The following HUS1 variants were observed in gnomAD, a reference collection of about 807,000 sequenced individuals.
HUS1 encodes the protein HUS1 checkpoint clamp component.
In HUS1, 31 loss-of-function variants were observed where a neutral mutation model predicts 32.6. That is an observed-to-expected ratio of 0.95 (90% confidence interval 0.72 to 1.28). HUS1 has a LOEUF of 1.28. Among genes scored for constraint, HUS1 ranks in the 50% most tolerant of loss-of-function variants. The probability of loss-of-function intolerance (pLI) is 0.00; values close to 1 mark genes in which losing one functional copy is unlikely to be tolerated. For missense variants in HUS1, 340 were observed against 337.7 expected (o/e 1.01, Z -0.05); for synonymous variants, 123 against 116.6 (o/e 1.06, Z -0.36).
Position 47,965,187 on chromosome 7 carries a change from A to G in HUS1, c.*169T>C. ...GCAACATGAAGTGATATGTTTATCCAACTGTGTGTTGTTGAATCAACTTTT... is the reference window on the plus strand; with the variant it reads ...GCAACATGAAGTGATATGTTTATCCGACTGTGTGTTGTTGAATCAACTTTT... On this transcript the variant is annotated 3_prime_UTR_variant, in exon 8 of 8. Coordinates refer to ENST00000258774, the MANE Select transcript of HUS1 (RefSeq NM_004507.4). 1.9e-6 allele frequency: 1 copy of G among 528,962 alleles called. No individual in the cohort carries two copies. Among genetic ancestry groups the G allele is most frequent in the Non-Finnish European group, 3.4e-6 (1 of 292,270 alleles). The allele number at this position is 528,962 out of a possible 1,614,324, so 32.8% of individuals were successfully genotyped here.
chr7:47,971,387 A>G (rs1583718336), intron 5 of HUS1: 2 of 441,632 alleles, frequency 4.5e-6, no homozygotes, highest in East Asian at 1.4e-4. Context: ...CTCATATACC[A>G]TCGGGCACCC....
chr7:47,965,224 T>C lies in HUS1; in HGVS notation c.*132A>G. ...TTGAATCAACTTTTAGTTAAAATGT[T>C]AGAGAGGGACAAATAAGTACAGTGT... On this transcript the variant is annotated 3_prime_UTR_variant, in exon 8 of 8. Transcript: ENST00000258774. The C allele has an allele frequency of 1.6e-6, 1 of 608,466 alleles. No homozygotes were observed. 37.7% of individuals were successfully genotyped at this position (608,466 alleles called of 1,614,324 possible).
intron 7 of HUS1, among the ~76,000 whole-genome samples, chr7:47,967,375 T>G (rs1266675541): frequency 6.6e-6 from 1 of 152,182 alleles, no homozygotes; most frequent in South Asian, 2.1e-4. Flanking sequence ...CAGGCCAGCA[T>G]AGCCACAGAA....
At position 47,963,531 on chromosome 7, in the gene HUS1, T is replaced by A. The variant is rs1401341463; in HGVS notation, c.*1825A>T. 6.6e-6 allele frequency: 1 copy of A among 152,234 alleles called. No homozygotes were observed. The highest frequency in any genetic ancestry group is 1.5e-5 in the Non-Finnish European group (1 of 68,038). The allele number at this position is 152,234 out of a possible 1,614,324, so 9.4% of individuals were successfully genotyped here. A position where few individuals can be genotyped will look rare whatever the true frequency, so the allele number is the denominator to read the frequency against. On this transcript the variant is annotated 3_prime_UTR_variant, in exon 8 of 8. Coordinates refer to ENST00000258774, the MANE Select transcript of HUS1 (RefSeq NM_004507.4). ...GCAGCTGGAATTAATTTCGTTACAA[T>A]GAGAGGAGGAAGGGTTTAAAAATTA...
chr7:47,976,678 A>T, intron 4 of HUS1, 52 bp downstream of exon 4: 1 of 978,532 alleles, frequency 1.0e-6, no homozygotes, highest in Non-Finnish European at 1.6e-6. Context: ...TAGAGAATTC[A>T]AGTCATGCCA....
At position 47,979,551 on chromosome 7, in the gene HUS1, T is replaced by A. The variant is rs759665420; in HGVS notation, c.-32A>T. The stretch of plus-strand genomic sequence containing the variant: ...GGATGGCGCAGCCGCGGCGGGCCTC[T>A]GTGGGTAACAGAAAAGCGTCGCGCC... On this transcript the variant is annotated 5_prime_UTR_variant, in exon 1 of 8. Transcript: ENST00000258774. The A allele has an allele frequency of 2.5e-6, 4 of 1,573,924 alleles. No homozygotes were observed. The Admixed American group carries it at 5.0e-5, about 20-fold the overall frequency.
intron 3 of HUS1, among the ~76,000 whole-genome samples, chr7:47,977,875 T>C (rs1052132773): frequency 1.5e-4 from 23 of 152,134 alleles, no homozygotes; most frequent in Middle Eastern, 3.4e-3. Flanking sequence ...GCCTGGGTGA[T>C]AGAGAGACTC....
intron 5 of HUS1, among the ~76,000 whole-genome samples, chr7:47,974,493 T>TG (rs2128766024): frequency 6.6e-6 from 1 of 152,132 alleles, no homozygotes; most frequent in African/African-American, 2.4e-5. Flanking sequence ...GAAGAGGCAT[T>TG]GTGGGGGAAT....
intron 4 of HUS1, among the ~76,000 whole-genome samples, chr7:47,975,967 T>C (rs1252820176): frequency 6.6e-6 from 1 of 152,124 alleles, no homozygotes; most frequent in Non-Finnish European, 1.5e-5. Context: ...CAAGAAGGAA[T>C]AGGGTACTTC....
chr7:47,971,446 A>G, intron 5 of HUS1: 1 of 456,716 alleles, frequency 2.2e-6, no homozygotes. Context: ...CACAGGTCAC[A>G]AGGGACTCCT....
intron 7 of HUS1, 69 bp from the exon 8 acceptor site, chr7:47,965,507 G>T: frequency 8.7e-7 from 1 of 1,144,860 alleles, no homozygotes; most frequent in Non-Finnish European, 1.3e-6. Context: ...TACTTTTTCA[G>T]AACAGCCTTC....
At chr7:47,971,713 C>A (rs923884519) in intron 5 of HUS1, among the ~76,000 whole-genome samples, 6 of 152,118 alleles carry the variant, frequency 3.9e-5, no homozygotes, top group African/African-American at 1.4e-4. Context: ...TAGCATTTTG[C>A]CATCTAGTAC....
intron 7 of HUS1, 78 bp from the exon 8 acceptor site, chr7:47,965,516 TC>T: frequency 9.9e-7 from 1 of 1,012,886 alleles, no homozygotes; most frequent in Non-Finnish European, 1.5e-6. Context: ...AGAACAGCCT[TC>T]CCAGCCTGCA....
intron 4 of HUS1, 133 bp from the exon 5 acceptor site, chr7:47,975,820 A>G (rs1173856804): frequency 3.5e-6 from 2 of 573,804 alleles, no homozygotes; most frequent in East Asian, 6.6e-5. Flanking sequence ...CAATTTTCTG[A>G]ATAAAGTTCT....
chr7:47,978,144 G>T, intron 3 of HUS1: 1 of 342,770 alleles, frequency 2.9e-6, no homozygotes, highest in Non-Finnish European at 5.3e-6. Flanking sequence ...ATGATTTCTA[G>T]ACAAGGTGAC....
At chr7:47,965,558 G>A (rs1788460993) in intron 7 of HUS1, 120 bp from the exon 8 acceptor site, 1 of 662,908 alleles carries the variant, frequency 1.5e-6, no homozygotes, top group Non-Finnish European at 2.7e-6. Flanking sequence ...TCTTCCCTGA[G>A]GCAGCTGCAG....
Position 47,979,535 on chromosome 7 carries a change from A to C in HUS1, c.-16T>G, listed in dbSNP as rs747700494. 7 of 1,595,148 alleles carry C rather than the reference A, an allele frequency of 4.4e-6. No individual in the cohort carries two copies. The highest frequency in any genetic ancestry group is 1.7e-5 in the Admixed American group (1 of 59,658). On this transcript the variant is annotated 5_prime_UTR_variant, in exon 1 of 8. Coordinates refer to ENST00000258774, the MANE Select transcript of HUS1 (RefSeq NM_004507.4). ...GAAACTTCATGGCCGCGGATGGCGC[A>C]GCCGCGGCGGGCCTCTGTGGGTAAC... is the stretch of plus-strand genomic sequence containing the variant.
chr7:47,979,324 T>G (rs1583727562), intron 1 of HUS1, 144 bp downstream of exon 1: 2 of 94,968 alleles, frequency 2.1e-5, no homozygotes, highest in Non-Finnish European at 2.0e-5. Flanking sequence ...TCCCGCGGCC[T>G]ACACCAGCAC....
chr7:47,974,570 G>A (rs1788660231), intron 5 of HUS1, among the ~76,000 whole-genome samples: 1 of 144,962 alleles, frequency 6.9e-6, no homozygotes. Context: ...TATAAAGGTG[G>A]CCTGGTACAC....
Sources: allele counts gnomAD v4.1 joint callset (sites outside exome capture counted in the v4.1 genomes callset), GRCh38; gene constraint gnomAD v4.1.1; transcripts MANE v1.5; gene names NCBI Gene and HGNC (gene_info 2026-07-23, HGNC 2026-07-21).